The following ANK1 variants were observed in gnomAD, a reference collection of about 807,000 sequenced individuals.
The protein encoded by ANK1 is ankyrin 1.
ANK1 carries 51 observed loss-of-function variants against 210.4 expected under a neutral mutation model. The ratio of observed to expected loss-of-function variants is 0.24; its 90% CI spans 0.19 to 0.31. The LOEUF is 0.31. Ranked by LOEUF, ANK1 falls within the 10% of genes least tolerant of loss-of-function variation. ANK1 has a pLI of 1.00. For missense variants in ANK1, 2,051 were observed against 2,504.4 expected (o/e 0.82, Z 3.86); for synonymous variants, 967 against 1,025.9 (o/e 0.94, Z 1.10).
At chr8:41,746,734 G>C (rs1836241639) in intron 2 of ANK1, among the ~76,000 whole-genome samples, 1 of 152,106 alleles carries the variant, frequency 6.6e-6, no homozygotes, top group South Asian at 2.1e-4. Flanking sequence ...GAGGCTGATG[G>C]GCCCTGGGGA....
Position 41,733,207 on chromosome 8 carries a change from G to A in ANK1, c.228+764C>T, listed in dbSNP as rs191587802. ...AATCTACTGAAATGGAGTGAAATAC[G>A]TTACTGTGGATGCCTGGCGTCGCCC... On this transcript the variant is annotated intron_variant, in intron 3 of 42. Transcript: ENST00000289734. 8.5e-5 allele frequency among the ~76,000 whole-genome samples: 13 copies of A among 152,290 alleles called. No homozygotes were observed. The East Asian group carries it at 1.3e-3, about 16-fold the overall frequency.
At chr8:41,810,859 G>T (rs1802381773) in intron 1 of ANK1, among the ~76,000 whole-genome samples, 2 of 152,232 alleles carry the variant, frequency 1.3e-5, no homozygotes, top group African/African-American at 4.8e-5. Context: ...GGGTACTTTG[G>T]CAGGCAGAGG....
intron 42 of ANK1, among the ~76,000 whole-genome samples, chr8:41,657,058 C>T (rs1384769373): frequency 6.6e-6 from 1 of 152,172 alleles, no homozygotes; most frequent in Non-Finnish European, 1.5e-5. Context: ...GGCTGCCTTC[C>T]ATTCTCTTTT....
chr8:41,760,103 G>T lies in ANK1; in HGVS notation c.28-1966C>A, dbSNP rs868617030. 3.3e-5 allele frequency among the ~76,000 whole-genome samples: 5 copies of T among 152,266 alleles called. 1 individual carries two copies. The highest frequency in any genetic ancestry group is 6.8e-3 in the Middle Eastern group (2 of 294). On this transcript the variant is annotated intron_variant, in intron 1 of 42. Coordinates refer to ENST00000289734, the MANE Select transcript of ANK1 (RefSeq NM_000037.4). ...CATGCATCTCAGACCTTGCCCCCAG[G>T]AACATCTGTTTCCTTTAAAGATGAG... is the stretch of plus-strand genomic sequence containing the variant.
intron 1 of ANK1, among the ~76,000 whole-genome samples, chr8:41,815,789 C>G (rs1166302425): frequency 6.6e-6 from 1 of 152,124 alleles, no homozygotes; most frequent in Non-Finnish European, 1.5e-5. Context: ...CATATTTCAT[C>G]ATTTCTAGAA....
chr8:41,696,342 G>A (rs751597454), intron 26 of ANK1, 21 bp downstream of exon 26: 29 of 1,611,750 alleles, frequency 1.8e-5, no homozygotes, highest in South Asian at 4.4e-5. Context: ...GGGAGAACAC[G>A]GGCTGCCCGC....
Position 41,654,347 on chromosome 8 carries a change from C to A in ANK1, c.*1443G>T, listed in dbSNP as rs921309516. ...GCCTCTGGGCGTCCAGGCTCTCCGCCTCCGACTCTACTCTCACCGGCCATG... is the reference window on the plus strand; with the variant it reads ...GCCTCTGGGCGTCCAGGCTCTCCGCATCCGACTCTACTCTCACCGGCCATG... On this transcript the variant is annotated 3_prime_UTR_variant, in exon 43 of 43. Coordinates refer to ENST00000289734, the MANE Select transcript of ANK1 (RefSeq NM_000037.4). 1.3e-5 allele frequency: 2 copies of A among 152,706 alleles called. No individual in the cohort carries two copies. Among genetic ancestry groups the A allele is most frequent in the Non-Finnish European group, 2.9e-5 (2 of 68,080 alleles). 9.5% of individuals were successfully genotyped at this position (152,706 alleles called of 1,614,324 possible).
chr8:41,723,296 T>A, intron 8 of ANK1, 73 bp from the exon 9 acceptor site: 1 of 1,489,970 alleles, frequency 6.7e-7, no homozygotes, highest in Non-Finnish European at 9.4e-7. Context: ...GAAGACTGCC[T>A]ATGGCATCAT....
At chr8:41,683,444 A>G (rs1816740879) in intron 37 of ANK1, among the ~76,000 whole-genome samples, 1 of 152,068 alleles carries the variant, frequency 6.6e-6, no homozygotes, top group Admixed American at 6.5e-5. Flanking sequence ...GCCCAGGCCC[A>G]CCTGGGACTC....
intron 24 of ANK1, chr8:41,697,705 A>T (rs865799018): frequency 1.8e-4 from 73 of 398,514 alleles, no homozygotes; most frequent in African/African-American, 1.2e-3. Flanking sequence ...TCCAGTAAAC[A>T]TCTGCTGGCT....
chr8:41,768,129 A>G (rs1308664404), intron 1 of ANK1, among the ~76,000 whole-genome samples: 1 of 152,120 alleles, frequency 6.6e-6, no homozygotes, highest in Non-Finnish European at 1.5e-5. Flanking sequence ...TCACCCTTTC[A>G]TGCAGTCATT....
chr8:41,876,361 A>T (rs1407367324), intron 1 of ANK1, among the ~76,000 whole-genome samples: 1 of 152,212 alleles, frequency 6.6e-6, no homozygotes, highest in Non-Finnish European at 1.5e-5. Context: ...GCGACTCAGC[A>T]GCGGCGCCTC....
intron 42 of ANK1, among the ~76,000 whole-genome samples, chr8:41,659,349 T>C (rs1215887726): frequency 6.6e-6 from 1 of 152,228 alleles, no homozygotes; most frequent in Non-Finnish European, 1.5e-5. Flanking sequence ...GAGTGTGGCA[T>C]TGTTCATCCT....
intron 5 of ANK1, 102 bp from the exon 6 acceptor site, chr8:41,726,048 C>T (rs1310361862): frequency 7.4e-7 from 1 of 1,348,934 alleles, no homozygotes; most frequent in Non-Finnish European, 1.0e-6. Flanking sequence ...CCAGCAGCCC[C>T]AGCCTGAGGG....
In ANK1 at chr8:41,843,137, C is replaced by T. The variant is rs951496504; in HGVS notation, c.126+53218G>A. ...TGCTGGGATTACAGGCATGAGCCAC[C>T]GCGCCCAGCCAATGTTCATATATTT... On this transcript the variant is annotated intron_variant, in intron 1 of 42. Transcript: ENST00000265709. Among the ~76,000 whole-genome samples the T allele has an allele frequency of 7.2e-5, 11 of 152,126 alleles. No homozygotes were observed. The East Asian group carries it at 1.3e-3, about 19-fold the overall frequency.
rs1820174798 is a variant in ANK1 at position 41,694,219 on chromosome 8, T to G, written c.3328-117A>C. The G allele has an allele frequency of 8.9e-7, 1 of 1,119,784 alleles. No individual in the cohort carries two copies. Among genetic ancestry groups the G allele is most frequent in the Non-Finnish European group, 1.3e-6 (1 of 782,402 alleles). The allele number at this position is 1,119,784 out of a possible 1,614,324, so 69.4% of individuals were successfully genotyped here. A position where few individuals can be genotyped will look rare whatever the true frequency, so the allele number is the denominator to read the frequency against. On this transcript the variant is annotated intron_variant, in intron 28 of 42. Coordinates refer to ENST00000289734, the MANE Select transcript of ANK1 (RefSeq NM_000037.4). This position sits in a 1 kb window ranked among gnomAD's most constrained non-coding sequence, Gnocchi z 5.7. Reference sequence around the variant, plus strand: ...CAGTGCACGGGGTCCCGCCCTGCTGTTGGACCACAGAACCGACACGGTGGA... The same window carrying G: ...CAGTGCACGGGGTCCCGCCCTGCTGGTGGACCACAGAACCGACACGGTGGA...
intron 1 of ANK1, among the ~76,000 whole-genome samples, chr8:41,808,631 ACT>A (rs1851318374): frequency 6.6e-6 from 1 of 152,038 alleles, no homozygotes; most frequent in African/African-American, 2.4e-5. Flanking sequence ...TGCCCACTGC[ACT>A]CCAGCTTGGG....
At chr8:41,875,246 C>A (rs1373039627) in intron 1 of ANK1, among the ~76,000 whole-genome samples, 1 of 152,236 alleles carries the variant, frequency 6.6e-6, no homozygotes, top group Admixed American at 6.5e-5. Context: ...AAAGACTCTG[C>A]AGCTTCTTGG....
chr8:41,744,660 C>A (rs1025648224), intron 2 of ANK1, among the ~76,000 whole-genome samples: 2 of 151,926 alleles, frequency 1.3e-5, no homozygotes, highest in Non-Finnish European at 2.9e-5. Flanking sequence ...CCTCAGCCTC[C>A]CAAGTAGCTG....
Sources: gnomAD v4.1 joint callset for allele counts (sites outside exome capture counted in the v4.1 genomes callset) on GRCh38, gnomAD v4.1.1 for gene constraint, Gnocchi (gnomAD v3.1) non-coding constraint, MANE v1.5 for transcripts, NCBI Gene and HGNC (gene_info 2026-07-23, HGNC 2026-07-21) for gene names.